The following UIMC1 variants were observed in gnomAD, a reference collection of about 807,000 sequenced individuals.
UIMC1 encodes the protein BRCA1-A complex subunit RAP80.
Under a neutral mutation model 84.9 loss-of-function variants are expected in UIMC1, and 42 were observed. That is an observed-to-expected ratio of 0.49 (90% CI 0.39 to 0.64). The LOEUF is 0.64. Among genes scored for constraint, UIMC1 ranks in the 30% least tolerant of loss-of-function variants. The pLI, the probability that UIMC1 is intolerant of heterozygous loss-of-function variation, is 0.00. For missense variants in UIMC1, 825 were observed against 847.6 expected (o/e 0.97, Z 0.33); for synonymous variants, 281 against 293.0 (o/e 0.96, Z 0.42).
At chr5:176,953,767 G>A (rs1479319704) in intron 8 of UIMC1, among the ~76,000 whole-genome samples, 2 of 152,120 alleles carry the variant, frequency 1.3e-5, no homozygotes, top group Non-Finnish European at 2.9e-5. Flanking sequence ...GTAGGCATAA[G>A]GCTATAATCC....
At chr5:176,920,349 T>C (rs1417200804) in intron 10 of UIMC1, among the ~76,000 whole-genome samples, 1 of 152,208 alleles carries the variant, frequency 6.6e-6, no homozygotes, top group Admixed American at 6.5e-5. Flanking sequence ...TTGAAAAGGA[T>C]TTGAAATCTG....
intron 1 of UIMC1, among the ~76,000 whole-genome samples, chr5:177,005,452 G>C (rs746538705): frequency 6.6e-6 from 1 of 151,818 alleles, no homozygotes; most frequent in African/African-American, 2.4e-5. Flanking sequence ...ACCTACACAC[G>C]CATACATCCC....
At chr5:176,964,511 A>C (rs1768002189) in intron 6 of UIMC1, among the ~76,000 whole-genome samples, 1 of 152,248 alleles carries the variant, frequency 6.6e-6, no homozygotes, top group Non-Finnish European at 1.5e-5. Context: ...ATAGAAAGAT[A>C]TCACAACTGA....
chr5:176,920,404 T>A (rs1238217474), intron 10 of UIMC1, among the ~76,000 whole-genome samples: 1 of 152,194 alleles, frequency 6.6e-6, no homozygotes, highest in Non-Finnish European at 1.5e-5. Context: ...CATTAAGTAT[T>A]CTAAACCATG....
At chr5:176,943,265 T>C (rs956530248) in intron 10 of UIMC1, 70 bp downstream of exon 10, 3 of 1,516,900 alleles carry the variant, frequency 2.0e-6, no homozygotes, top group African/African-American at 2.8e-5. Flanking sequence ...TTTCCCTGCA[T>C]TGTAATGTAT....
intron 10 of UIMC1, among the ~76,000 whole-genome samples, chr5:176,920,001 A>G (rs1388507433): frequency 1.3e-5 from 2 of 152,072 alleles, no homozygotes; most frequent in African/African-American, 4.8e-5. Flanking sequence ...AAAAAAAGTT[A>G]GCTGGGATTT....
At chr5:176,959,482 C>T (rs1195747979) in intron 6 of UIMC1, among the ~76,000 whole-genome samples, 2 of 151,118 alleles carry the variant, frequency 1.3e-5, no homozygotes, top group Non-Finnish European at 3.0e-5. Context: ...TTTGGGAGGC[C>T]GAGGCAGGCA....
chr5:176,970,327 C>A, intron 4 of UIMC1: 5 of 182,890 alleles, frequency 2.7e-5, no homozygotes, highest in South Asian at 2.0e-4. Flanking sequence ...GACAATTTAA[C>A]TTTATTTCAT....
chr5:176,984,517 C>T (rs935874609), intron 1 of UIMC1, among the ~76,000 whole-genome samples: 1 of 150,750 alleles, frequency 6.6e-6, no homozygotes, highest in Non-Finnish European at 1.5e-5. Context: ...AGTGCCTCTG[C>T]CTGGCCGCCC....
intron 1 of UIMC1, among the ~76,000 whole-genome samples, chr5:177,005,960 G>A (rs751439073): frequency 7.9e-5 from 12 of 152,168 alleles, no homozygotes; most frequent in Non-Finnish European, 1.6e-4. Flanking sequence ...CCGGCCCTGC[G>A]GGGGCGAAAT....
At chr5:176,959,307 A>G (rs976912334) in intron 6 of UIMC1, among the ~76,000 whole-genome samples, 1 of 152,266 alleles carries the variant, frequency 6.6e-6, no homozygotes, top group African/African-American at 2.4e-5. Context: ...ACAGAATTTT[A>G]TAATGACTAG....
intron 1 of UIMC1, among the ~76,000 whole-genome samples, chr5:176,997,404 G>T (rs1458435643): frequency 6.6e-6 from 1 of 152,088 alleles, no homozygotes; most frequent in East Asian, 1.9e-4. Context: ...AAACATTTCA[G>T]GCCGGGCACG....
chr5:176,923,023 G>C (rs1357308887), intron 10 of UIMC1, among the ~76,000 whole-genome samples: 1 of 152,212 alleles, frequency 6.6e-6, no homozygotes, highest in Non-Finnish European at 1.5e-5. Flanking sequence ...CTATGCCAGA[G>C]CAGGTATTTA....
At chr5:176,943,749 T>C (rs1764743017) in intron 9 of UIMC1, among the ~76,000 whole-genome samples, 1 of 152,228 alleles carries the variant, frequency 6.6e-6, no homozygotes, top group Non-Finnish European at 1.5e-5. Context: ...TATATGTAAG[T>C]ATATTTATAC....
chr5:177,020,653 G>A (rs1775769674), intron 1 of UIMC1, among the ~76,000 whole-genome samples: 2 of 152,072 alleles, frequency 1.3e-5, no homozygotes, highest in South Asian at 4.1e-4. Context: ...GGATGGTCTT[G>A]ATCTTCTGAC....
intron 10 of UIMC1, among the ~76,000 whole-genome samples, chr5:176,941,956 G>A (rs1561788598): frequency 1.3e-5 from 2 of 151,982 alleles, no homozygotes; most frequent in African/African-American, 2.4e-5. Flanking sequence ...CAATTCTCCT[G>A]ACTCAGCCTC....
intron 10 of UIMC1, among the ~76,000 whole-genome samples, chr5:176,932,077 G>A (rs1369170894): frequency 2.0e-5 from 3 of 152,192 alleles, no homozygotes; most frequent in African/African-American, 7.2e-5. Context: ...TGCATGCAGT[G>A]TAACGTAAGT....
At chr5:176,983,240 C>T (rs866283767) in intron 1 of UIMC1, among the ~76,000 whole-genome samples, 1 of 150,648 alleles carries the variant, frequency 6.6e-6, no homozygotes, top group African/African-American at 2.4e-5. Flanking sequence ...TCCCTCTCCC[C>T]CTCCCCCTCC....
chr5:176,932,548 A>T (rs57898437), intron 10 of UIMC1, among the ~76,000 whole-genome samples: 1 of 150,176 alleles, frequency 6.7e-6, no homozygotes, highest in Non-Finnish European at 1.5e-5. Flanking sequence ...CAGACAGACA[A>T]ACATCAGCAG....
Sources: gnomAD v4.1 joint callset for allele counts (sites outside exome capture counted in the v4.1 genomes callset) on GRCh38, gnomAD v4.1.1 for gene constraint, MANE v1.5 for transcripts, NCBI Gene and HGNC (gene_info 2026-07-23, HGNC 2026-07-21) for gene names.